The following PARD3B variants were observed in gnomAD, a reference collection of about 807,000 sequenced individuals.
The protein encoded by PARD3B is par-3 family cell polarity regulator beta.
Under a neutral mutation model 130.2 loss-of-function variants are expected in PARD3B, and 103 were observed. The observed-to-expected ratio is 0.79, with a 90% CI of 0.67 to 0.93. The LOEUF (loss-of-function observed/expected upper bound fraction) is 0.93. PARD3B is among the 40% of genes least tolerant of loss of function. The pLI is 0.00. For missense variants in PARD3B, 1,609 were observed against 1,499.2 expected, an observed-to-expected ratio of 1.07 and a Z score of -1.21; for synonymous variants, 583 against 553.2, an observed-to-expected ratio of 1.05 and a Z score of -0.76.
chr2:205,557,066 C>A (rs2052921789), intron 22 of PARD3B, among the ~76,000 whole-genome samples: 1 of 152,136 alleles, frequency 6.6e-6, no homozygotes, highest in African/African-American at 2.4e-5. Flanking sequence ...CTGCAGATGG[C>A]TCTGTGCATC....
At chr2:204,923,026 CT>C (rs2047742926) in intron 2 of PARD3B, among the ~76,000 whole-genome samples, 1 of 152,064 alleles carries the variant, frequency 6.6e-6, no homozygotes, top group African/African-American at 2.4e-5. Context: ...GAGAAGTGGC[CT>C]ATGTCTGTCT....
chr2:204,574,271 C>T (rs1371183542), intron 1 of PARD3B, among the ~76,000 whole-genome samples: 1 of 152,172 alleles, frequency 6.6e-6, no homozygotes, highest in East Asian at 1.9e-4. Context: ...TATGTTCTAT[C>T]TCCTTCTAAA....
chr2:205,151,593 T>TTTTG (rs543477247), intron 10 of PARD3B, among the ~76,000 whole-genome samples: 1,557 of 152,268 alleles, frequency 0.01, 27 homozygotes, highest in African/African-American at 0.035. Flanking sequence ...ACCCCTGCTT[T>TTTTG]TTTGTTTGTT....
chr2:204,586,532 G>GC (rs2032834505), intron 1 of PARD3B, among the ~76,000 whole-genome samples: 1 of 152,168 alleles, frequency 6.6e-6, no homozygotes, highest in Non-Finnish European at 1.5e-5. Context: ...CTAATTTCTA[G>GC]CCTTTTGCTT....
In PARD3B at chr2:205,203,414, T is replaced by C. The variant is rs143845118; in HGVS notation, c.2140+10094T>C. On this transcript the variant is annotated intron_variant, in intron 15 of 22. Transcript: ENST00000406610. ...CACTTTTTATTTTTTTACTATACTTTTACTTTTTACTTTTTATTTTTTTAC... is the reference window on the plus strand; with the variant it reads ...CACTTTTTATTTTTTTACTATACTTCTACTTTTTACTTTTTATTTTTTTAC... Among the ~76,000 whole-genome samples the C allele has an allele frequency of 2.4e-3, 358 of 150,456 alleles. 4 individuals carry two copies. Among genetic ancestry groups the C allele is most frequent in the East Asian group, 0.014 (73 of 5,162 alleles).
chr2:204,804,705 C>T (rs537264101), intron 2 of PARD3B, among the ~76,000 whole-genome samples: 1 of 152,278 alleles, frequency 6.6e-6, no homozygotes, highest in South Asian at 2.1e-4. Context: ...GCATATGGAT[C>T]ATTCTCAAGG....
chr2:205,423,691 A>G (rs1362545658), intron 19 of PARD3B, among the ~76,000 whole-genome samples: 1 of 152,144 alleles, frequency 6.6e-6, no homozygotes, highest in Non-Finnish European at 1.5e-5. Context: ...ATCAACATAA[A>G]TGCCCATCAG....
At chr2:205,365,729 G>A (rs2044583798) in intron 18 of PARD3B, among the ~76,000 whole-genome samples, 1 of 152,040 alleles carries the variant, frequency 6.6e-6, no homozygotes, top group South Asian at 2.1e-4. Flanking sequence ...GGAAGGAAAG[G>A]CATTCCAAGC....
chr2:205,340,094 C>T (rs1388396923), intron 18 of PARD3B, among the ~76,000 whole-genome samples: 3 of 151,958 alleles, frequency 2.0e-5, no homozygotes, highest in African/African-American at 4.8e-5. Context: ...AGAATGAATC[C>T]CCCTGTTAAA....
chr2:204,868,425 A>G (rs928014556), intron 2 of PARD3B, among the ~76,000 whole-genome samples: 2 of 152,186 alleles, frequency 1.3e-5, no homozygotes, highest in Non-Finnish European at 2.9e-5. Context: ...TAGTGGAACT[A>G]TAGTAGAAGG....
chr2:205,302,376 A>C (rs2042042765), intron 18 of PARD3B, among the ~76,000 whole-genome samples: 1 of 151,984 alleles, frequency 6.6e-6, no homozygotes, highest in African/African-American at 2.4e-5. Context: ...TAAGAAAAAA[A>C]AAATTAGCCA....
chr2:205,196,651 A>G (rs2036697865), intron 15 of PARD3B, among the ~76,000 whole-genome samples: 1 of 152,162 alleles, frequency 6.6e-6, no homozygotes, highest in African/African-American at 2.4e-5. Flanking sequence ...ATATATTTTT[A>G]TCCATGGGGT....
chr2:204,821,363 T>C (rs979398368), intron 2 of PARD3B, among the ~76,000 whole-genome samples: 3 of 152,132 alleles, frequency 2.0e-5, no homozygotes, highest in Non-Finnish European at 2.9e-5. Context: ...TGGAATACTA[T>C]GCAGCCATAA....
chr2:204,949,044 G>A (rs925793490), intron 2 of PARD3B, among the ~76,000 whole-genome samples: 2 of 152,130 alleles, frequency 1.3e-5, no homozygotes, highest in South Asian at 2.1e-4. Context: ...CCACAGAATG[G>A]CAGGCATCTT....
chr2:204,910,665 A>T (rs2047200135), intron 2 of PARD3B, among the ~76,000 whole-genome samples: 1 of 152,140 alleles, frequency 6.6e-6, no homozygotes, highest in South Asian at 2.1e-4. Context: ...TTGAGGATGG[A>T]GTCTCCCTCT....
chr2:205,497,671 A>G (rs2049985861), intron 20 of PARD3B, among the ~76,000 whole-genome samples: 3 of 151,906 alleles, frequency 2.0e-5, no homozygotes, highest in Admixed American at 2.0e-4. Context: ...TCTTTAAAAT[A>G]CTCACACAAG....
At chr2:204,737,956 T>C (rs1438175538) in intron 2 of PARD3B, among the ~76,000 whole-genome samples, 1 of 152,198 alleles carries the variant, frequency 6.6e-6, no homozygotes, top group Non-Finnish European at 1.5e-5. Flanking sequence ...TACCATGCTG[T>C]TTTGGTAACT....
intron 2 of PARD3B, among the ~76,000 whole-genome samples, chr2:204,883,698 C>G (rs2046163589): frequency 6.6e-6 from 1 of 151,626 alleles, no homozygotes; most frequent in African/African-American, 2.4e-5. Context: ...CCCACCTTGG[C>G]CTCCCAAAGT....
intron 22 of PARD3B, among the ~76,000 whole-genome samples, chr2:205,560,125 G>T (rs964328400): frequency 6.6e-6 from 1 of 152,300 alleles, no homozygotes; most frequent in African/African-American, 2.4e-5. Flanking sequence ...AACCCAAACA[G>T]TCTGGCTGCG....
Sources: allele counts gnomAD v4.1 joint callset (sites outside exome capture counted in the v4.1 genomes callset), GRCh38; gene constraint gnomAD v4.1.1; transcripts MANE v1.5; gene names NCBI Gene and HGNC (gene_info 2026-07-23, HGNC 2026-07-21).